The following GEMIN2 variants were observed in gnomAD, a reference collection of about 807,000 sequenced individuals.
GEMIN2 encodes the protein gem nuclear organelle associated protein 2.
Under a neutral mutation model 45.8 loss-of-function variants are expected in GEMIN2, and 37 were observed. The ratio of observed to expected loss-of-function variants is 0.81; its 90% CI spans 0.62 to 1.06. The LOEUF (loss-of-function observed/expected upper bound fraction) is 1.06, where lower values mean the gene tolerates loss of function less well. GEMIN2 is among the 50% of genes least tolerant of loss of function. The probability of loss-of-function intolerance (pLI) is 0.00; values close to 1 mark genes in which losing one functional copy is unlikely to be tolerated. For missense variants in GEMIN2, 335 were observed against 321.8 expected, an observed-to-expected ratio of 1.04 and a Z score of -0.31; for synonymous variants, 101 against 111.5, an observed-to-expected ratio of 0.91 and a Z score of 0.60.
intron 6 of GEMIN2, among the ~76,000 whole-genome samples, chr14:39,126,009 G>T (rs1243484591): frequency 6.7e-6 from 1 of 148,414 alleles, no homozygotes; most frequent in East Asian, 2.0e-4. Flanking sequence ...GACAGGGCGA[G>T]ACTCTGTCTC....
At chr14:39,128,662 G>GTTTT (rs889509000) in intron 7 of GEMIN2, among the ~76,000 whole-genome samples, 1 of 150,078 alleles carries the variant, frequency 6.7e-6, no homozygotes, top group African/African-American at 2.4e-5. Flanking sequence ...AGTTTTTTTT[G>GTTTT]TTTTTTGTTT....
intron 6 of GEMIN2, among the ~76,000 whole-genome samples, 158 bp from the exon 7 acceptor site, chr14:39,128,122 C>T (rs953740047): frequency 3.0e-5 from 4 of 134,554 alleles, no homozygotes; most frequent in African/African-American, 1.1e-4. Flanking sequence ...CCTAATCAAA[C>T]TAATTAGAGT....
chr14:39,124,946 G>T, intron 5 of GEMIN2, 46 bp from the exon 6 acceptor site: 2 of 950,384 alleles, frequency 2.1e-6, no homozygotes, highest in Non-Finnish European at 3.3e-6. Flanking sequence ...AAAAAATGAA[G>T]CTTATAATAC....
Sources: gnomAD v4.1 joint callset for allele counts (sites outside exome capture counted in the v4.1 genomes callset) on GRCh38, gnomAD v4.1.1 for gene constraint, MANE v1.5 for transcripts, NCBI Gene and HGNC (gene_info 2026-07-23, HGNC 2026-07-21) for gene names.